The following CELF2 variants were observed in gnomAD, a reference collection of about 807,000 sequenced individuals.
The protein encoded by CELF2 is CUG triplet repeat RNA-binding protein 2.
A neutral mutation model predicts 62.6 loss-of-function variants in CELF2; 8 were observed. The ratio of observed to expected loss-of-function variants is 0.13; its 90% CI spans 0.07 to 0.23. The LOEUF (loss-of-function observed/expected upper bound fraction) is 0.23. Ranked by LOEUF, CELF2 falls within the 10% of genes least tolerant of loss-of-function variation. The pLI, the probability that CELF2 is intolerant of heterozygous loss-of-function variation, is 1.00. For synonymous variants in CELF2, 258 were observed against 250.0 expected, an observed-to-expected ratio of 1.03 and a Z score of -0.30; for missense variants, 333 against 671.0, an observed-to-expected ratio of 0.50 and a Z score of 5.56.
At chr10:10,760,808 G>C in the CELF2 span, among the ~76,000 whole-genome samples, 1 of 152,156 alleles carries the variant, frequency 6.6e-6, no homozygotes, top group African/African-American at 2.4e-5. Context: ...CTCTATGAGT[G>C]GGAGGAACTG....
the CELF2 span, among the ~76,000 whole-genome samples, chr10:10,774,152 A>C: frequency 3.3e-5 from 5 of 152,210 alleles, no homozygotes; most frequent in Non-Finnish European, 7.3e-5. Flanking sequence ...GCAGAGAAAT[A>C]TTTATTAAGC....
chr10:10,608,338 C>T, the CELF2 span, among the ~76,000 whole-genome samples: 1 of 152,138 alleles, frequency 6.6e-6, no homozygotes, highest in Non-Finnish European at 1.5e-5. Context: ...CTGAAGACAA[C>T]CAGATTAATA....
chr10:10,834,401 A>T (rs540521912), intron 1 of CELF2, among the ~76,000 whole-genome samples: 1 of 152,252 alleles, frequency 6.6e-6, no homozygotes, highest in Admixed American at 6.5e-5. Context: ...CTGTACAATA[A>T]ACCCCCAAGA....
At position 10,993,847 on chromosome 10, in the gene CELF2, G is replaced by C. The variant is rs975135371; in HGVS notation, c.89+73848G>C. Among the ~76,000 whole-genome samples the C allele has an allele frequency of 6.6e-6, 1 of 152,136 alleles. No homozygotes were observed. The highest frequency in any genetic ancestry group is 1.5e-5 in the Non-Finnish European group (1 of 68,010). Reference sequence around the variant, plus strand: ...GATAGAACCTTTAAGGAAGTAATTAGAGTTAATGATGTCATAGGTGTGGGG... The same window carrying C: ...GATAGAACCTTTAAGGAAGTAATTACAGTTAATGATGTCATAGGTGTGGGG... On this transcript the variant is annotated intron_variant, in intron 2 of 13. Transcript: ENST00000636488. The surrounding 1 kb of genome is among the most constrained non-coding windows in gnomAD (Gnocchi z 5.3).
In CELF2 at chr10:11,224,200, T is replaced by C. The variant is rs2065769437; in HGVS notation, c.354+6693T>C. The stretch of plus-strand genomic sequence containing the variant: ...ACCCAGTGGAAGGCAATGTTTAGTT[T>C]TGCAAACAACGTAGTCTCAGCTATA... On this transcript the variant is annotated intron_variant, in intron 3 of 12. Coordinates refer to ENST00000633077, the MANE Select transcript of CELF2 (RefSeq NM_001326342.2). This position sits in a 1 kb window ranked among gnomAD's most constrained non-coding sequence, Gnocchi z 4.5. 6.6e-6 allele frequency among the ~76,000 whole-genome samples: 1 copy of C among 152,204 alleles called. No individual in the cohort carries two copies. Among genetic ancestry groups the C allele is most frequent in the African/African-American group, 2.4e-5 (1 of 41,444 alleles).
chr10:10,530,631 A>G, the CELF2 span, among the ~76,000 whole-genome samples: 101,068 of 152,090 alleles, frequency 0.66, 33,855 homozygotes, highest in East Asian at 0.86. Flanking sequence ...TGGGTGTCTG[A>G]AAGCCCTCTT....
chr10:11,160,439 C>T (rs1171425290), intron 1 of CELF2, among the ~76,000 whole-genome samples: 2 of 152,074 alleles, frequency 1.3e-5, no homozygotes, highest in African/African-American at 4.8e-5. Flanking sequence ...TTAGATAAAT[C>T]TCAACTCTAA....
At chr10:10,684,108 T>G in the CELF2 span, among the ~76,000 whole-genome samples, 1 of 152,220 alleles carries the variant, frequency 6.6e-6, no homozygotes, top group Non-Finnish European at 1.5e-5. Context: ...CAGGGATTCC[T>G]ACCTCGGGAT....
chr10:11,308,878 T>G (rs962238890), intron 9 of CELF2, among the ~76,000 whole-genome samples: 3 of 152,244 alleles, frequency 2.0e-5, no homozygotes, highest in African/African-American at 7.2e-5. Flanking sequence ...AAGTGTCCTC[T>G]GTCCTACTTA....
rs147545753 is a variant in CELF2 at position 11,216,750 on chromosome 10, G to A, written c.272-675G>A. Among the ~76,000 whole-genome samples the A allele has an allele frequency of 2.1e-3, 313 of 152,312 alleles. 1 individual carries two copies. Among genetic ancestry groups the A allele is most frequent in the African/African-American group, 6.8e-3 (284 of 41,564 alleles). The stretch of plus-strand genomic sequence containing the variant: ...TTTGGAAAGGAGGAATCAAAATGTT[G>A]CCAGTTAGTATGCCACAGCCATATA... On this transcript the variant is annotated intron_variant, in intron 2 of 12. Transcript: ENST00000633077.
At chr10:10,762,433 G>T in the CELF2 span, among the ~76,000 whole-genome samples, 1 of 152,132 alleles carries the variant, frequency 6.6e-6, no homozygotes, top group Non-Finnish European at 1.5e-5. Flanking sequence ...TAGAGATATA[G>T]GTAGGAAAAT....
At chr10:10,734,038 A>G in the CELF2 span, among the ~76,000 whole-genome samples, 3 of 152,242 alleles carry the variant, frequency 2.0e-5, no homozygotes, top group Non-Finnish European at 2.9e-5. Flanking sequence ...GCATACGTAT[A>G]TCAATTACTA....
intron 1 of CELF2, among the ~76,000 whole-genome samples, chr10:11,122,416 T>C (rs559195557): frequency 6.6e-6 from 1 of 152,358 alleles, no homozygotes; most frequent in Non-Finnish European, 1.5e-5. Context: ...AAAAGGCTTT[T>C]ATGTTGTTCA....
the CELF2 span, among the ~76,000 whole-genome samples, chr10:10,768,758 G>C: frequency 2.0e-5 from 3 of 151,898 alleles, no homozygotes; most frequent in Admixed American, 2.0e-4. Flanking sequence ...ATTTTTTGTA[G>C]ATACAGGGTT....
upstream of CELF2, among the ~76,000 whole-genome samples, chr10:11,017,505 G>C (rs551447304): frequency 6.6e-6 from 1 of 152,150 alleles, no homozygotes; most frequent in Non-Finnish European, 1.5e-5. The surrounding 1 kb of genome is among the most constrained non-coding windows in gnomAD (Gnocchi z 5.5). Flanking sequence ...GTTCCTGCCC[G>C]GGCAAGCACA....
At chr10:10,791,434 T>G in the CELF2 span, among the ~76,000 whole-genome samples, 131 of 152,098 alleles carry the variant, frequency 8.6e-4, no homozygotes, top group African/African-American at 3.1e-3. Flanking sequence ...TCCCAACTTT[T>G]AAATCATTCA....
rs1041299936 is a variant in CELF2, at chr10:11,247,180, T to C, written c.355-1973T>C. Among the ~76,000 whole-genome samples the C allele has an allele frequency of 2.0e-5, 3 of 152,246 alleles. No homozygotes were observed. The highest frequency in any genetic ancestry group is 4.8e-5 in the African/African-American group (2 of 41,466). ...GCTTTTCTAGAATTTCGATCTTGTT[T>C]CCTTTGTTACTTCTTCTGTACCTGA... On this transcript the variant is annotated intron_variant, in intron 3 of 12. Coordinates refer to ENST00000633077, the MANE Select transcript of CELF2 (RefSeq NM_001326342.2). This position sits in a 1 kb window ranked among gnomAD's most constrained non-coding sequence, Gnocchi z 5.4.
intron 1 of CELF2, among the ~76,000 whole-genome samples, chr10:11,053,214 C>G (rs2064306079): frequency 6.6e-6 from 1 of 152,186 alleles, no homozygotes; most frequent in Non-Finnish European, 1.5e-5. Flanking sequence ...TTATTACAGT[C>G]AGTTTCCCAA....
At chr10:10,497,550 AAAG>A in the CELF2 span, among the ~76,000 whole-genome samples, 3 of 152,192 alleles carry the variant, frequency 2.0e-5, no homozygotes, top group African/African-American at 7.2e-5. Flanking sequence ...AGGTTAAAAA[AAAG>A]AGGAAAGGGA....
Sources: gnomAD v4.1 joint callset for allele counts (sites outside exome capture counted in the v4.1 genomes callset) on GRCh38, gnomAD v4.1.1 for gene constraint, Gnocchi (gnomAD v3.1) non-coding constraint, MANE v1.5 for transcripts, NCBI Gene and HGNC (gene_info 2026-07-23, HGNC 2026-07-21) for gene names.